Variants in SLC25A20 observed in about 807,000 individuals in gnomAD.
The protein encoded by SLC25A20 is solute carrier family 25 member 20.
In SLC25A20, 29 loss-of-function variants were observed where a neutral mutation model predicts 39.7. The ratio of observed to expected loss-of-function variants is 0.73; its 90% confidence interval spans 0.54 to 1.00. The LOEUF (loss-of-function observed/expected upper bound fraction) is 1.00. Among genes scored for constraint, SLC25A20 ranks in the 50% least tolerant of loss-of-function variants. The pLI, the probability that SLC25A20 is intolerant of heterozygous loss-of-function variation, is 0.00. For synonymous variants in SLC25A20, 103 were observed against 142.2 expected (o/e 0.72, Z 1.96); for missense variants, 333 against 379.9 (o/e 0.88, Z 1.03).
rs777241185 is a variant in SLC25A20, at chr3:48,898,722, C to A, written c.73G>T (p.Val25Leu). The change falls in exon 1 of 9, where the codon GTG becomes TTG. Residue 25 changes from valine to leucine, a missense_variant. Transcript: ENST00000319017. The stretch of plus-strand genomic sequence containing the variant: ...GTGTCCAGAGGGTGACCGACGAACA[C>A]CAGGCACACGCCGCCAAAGCCGCCG... ...LAGGFGGVCL[V>L]FVGHPLDTVK... The A allele has an allele frequency of 5.0e-6, 8 of 1,608,534 alleles. No individual in the cohort carries two copies. In the South Asian group the frequency reaches 7.8e-5, roughly 16 times the overall value.
At chr3:48,881,797 C>G (rs185042869) in intron 3 of SLC25A20, among the ~76,000 whole-genome samples, 3 of 152,228 alleles carry the variant, frequency 2.0e-5, no homozygotes, top group Non-Finnish European at 2.9e-5. Flanking sequence ...ACCAGGCGCT[C>G]AAAGAGGGCA....
At chr3:48,862,487 G>T in intron 5 of SLC25A20, 55 bp downstream of exon 5, 1 of 1,083,994 alleles carries the variant, frequency 9.2e-7, no homozygotes, top group Non-Finnish European at 1.4e-6. Context: ...TTCTGCAGCA[G>T]ACCCACCTCA....
At chr3:48,889,945 G>A (rs1023600939) in intron 2 of SLC25A20, among the ~76,000 whole-genome samples, 5 of 152,168 alleles carry the variant, frequency 3.3e-5, no homozygotes, top group African/African-American at 1.2e-4. Context: ...TGTCACGCCC[G>A]CATAAGGGCC....
chr3:48,870,610 T>G (rs1034971053), intron 4 of SLC25A20, among the ~76,000 whole-genome samples: 3 of 149,060 alleles, frequency 2.0e-5, no homozygotes, highest in Non-Finnish European at 1.5e-5. Context: ...ATCTCCTGGG[T>G]TCAAGCTGTC....
intron 4 of SLC25A20, among the ~76,000 whole-genome samples, chr3:48,876,342 CAA>C (rs796648485): frequency 2.0e-4 from 12 of 58,608 alleles, no homozygotes; most frequent in African/African-American, 3.9e-4. Context: ...GACTCCATCT[CAA>C]AAAAAAAAAA....
At position 48,897,076 on chromosome 3, in the gene SLC25A20, C is replaced by CTT. The variant is rs11390016; in HGVS notation, c.105+1612_105+1613dup. On this transcript the variant is annotated intron_variant, in intron 1 of 8. Transcript: ENST00000319017. ...TGGACTTCTTTTTTTTCTTCTTCTC[C>CTT]TTTTTTTTTTTTTTTTTTAACCTTG... Among the ~76,000 whole-genome samples the CTT allele has an allele frequency of 6.4e-3, 835 of 129,548 alleles. 12 individuals carry two copies. Among genetic ancestry groups the CTT allele is most frequent in the African/African-American group, 0.015 (519 of 34,784 alleles). 85.0% of individuals were successfully genotyped at this position (129,548 alleles called of 152,430 possible).
intron 1 of SLC25A20, among the ~76,000 whole-genome samples, chr3:48,893,362 T>C (rs1219631654): frequency 6.6e-6 from 1 of 152,126 alleles, no homozygotes; most frequent in African/African-American, 2.4e-5. Context: ...TTAGCCCATC[T>C]TCAGAGAAAT....
chr3:48,896,368 C>T (rs2083909838), intron 1 of SLC25A20, among the ~76,000 whole-genome samples: 1 of 151,900 alleles, frequency 6.6e-6, no homozygotes, highest in Admixed American at 6.6e-5. Context: ...TGAGGTCTTG[C>T]CATGTTGCCA....
intron 4 of SLC25A20, among the ~76,000 whole-genome samples, chr3:48,866,153 T>C (rs1315431077): frequency 1.4e-5 from 2 of 148,070 alleles, no homozygotes; most frequent in African/African-American, 5.0e-5. Context: ...AAAAAAAAAG[T>C]CACTAGTGAC....
chr3:48,858,367 C>T, intron 8 of SLC25A20, 140 bp downstream of exon 8: 1 of 1,256,646 alleles, frequency 8.0e-7, no homozygotes, highest in South Asian at 1.2e-5. Flanking sequence ...AGGAAGGGAG[C>T]AAATAAGGAA....
intron 1 of SLC25A20, among the ~76,000 whole-genome samples, 200 bp from the exon 2 acceptor site, chr3:48,892,272 C>T (rs1265403978): frequency 1.3e-5 from 2 of 152,144 alleles, no homozygotes; most frequent in Non-Finnish European, 2.9e-5. Context: ...AATATCCCAT[C>T]GTATGAATAA....
chr3:48,860,894 T>G (rs1408961308), intron 5 of SLC25A20, among the ~76,000 whole-genome samples: 1 of 148,862 alleles, frequency 6.7e-6, no homozygotes, highest in Non-Finnish European at 1.5e-5. Context: ...AGTGCAATGG[T>G]GCAATCTCGG....
chr3:48,891,366 T>G (rs1239969196), intron 2 of SLC25A20, among the ~76,000 whole-genome samples: 1 of 151,920 alleles, frequency 6.6e-6, no homozygotes. Context: ...TAAGCCACCA[T>G]GATTGGCCTT....
At chr3:48,870,627 C>T (rs2083707701) in intron 4 of SLC25A20, among the ~76,000 whole-genome samples, 1 of 147,210 alleles carries the variant, frequency 6.8e-6, no homozygotes, top group African/African-American at 2.5e-5. Flanking sequence ...TGTCTTCCTG[C>T]CCTAGCCCAC....
chr3:48,883,937 T>G, intron 3 of SLC25A20, 60 bp downstream of exon 3: 1 of 1,602,232 alleles, frequency 6.2e-7, no homozygotes, highest in South Asian at 1.1e-5. Flanking sequence ...GTTTCTTTAT[T>G]TTAACCCATG....
intron 2 of SLC25A20, among the ~76,000 whole-genome samples, chr3:48,884,532 T>C (rs1266422960): frequency 2.0e-5 from 3 of 152,088 alleles, no homozygotes; most frequent in Admixed American, 2.0e-4. Context: ...GTATTTTTTG[T>C]AGAGACAGGG....
At chr3:48,890,901 G>T (rs918925319) in intron 2 of SLC25A20, among the ~76,000 whole-genome samples, 1 of 151,792 alleles carries the variant, frequency 6.6e-6, no homozygotes, top group Admixed American at 6.6e-5. Flanking sequence ...TGATCCACCC[G>T]CCTCAGCCTC....
intron 4 of SLC25A20, among the ~76,000 whole-genome samples, chr3:48,871,722 G>A (rs1044938919): frequency 4.1e-5 from 6 of 145,078 alleles, no homozygotes; most frequent in East Asian, 2.0e-4. Context: ...AGCCAAGATC[G>A]CACCATTGCA....
intron 4 of SLC25A20, among the ~76,000 whole-genome samples, chr3:48,877,697 C>A (rs541058816): frequency 6.6e-6 from 1 of 151,658 alleles, no homozygotes; most frequent in Admixed American, 6.6e-5. Flanking sequence ...CCACTGCATT[C>A]CAGCCTGGCA....
Sources: allele counts gnomAD v4.1 joint callset (sites outside exome capture counted in the v4.1 genomes callset), GRCh38; gene constraint gnomAD v4.1.1; transcripts MANE v1.5; gene names NCBI Gene and HGNC (gene_info 2026-07-23, HGNC 2026-07-21).